Variants in NRG3 observed in about 807,000 individuals in gnomAD.
NRG3 encodes the protein neuregulin 3.
NRG3 carries 31 observed loss-of-function variants against 66.9 expected under a neutral mutation model. The ratio of observed to expected loss-of-function variants is 0.46; its 90% CI spans 0.35 to 0.63. NRG3 has a LOEUF of 0.63. Among genes scored for constraint, NRG3 ranks in the 20% least tolerant of loss-of-function variants. NRG3 has a pLI of 0.00. For synonymous variants in NRG3, 393 were observed against 359.4 expected (o/e 1.09, Z -1.06); for missense variants, 910 against 878.9 (o/e 1.04, Z -0.45).
intron 2 of NRG3, among the ~76,000 whole-genome samples, chr10:82,703,128 G>T (rs1353261902): frequency 6.6e-6 from 1 of 151,612 alleles, no homozygotes; most frequent in Non-Finnish European, 1.5e-5. Context: ...AGACAGTGCT[G>T]TATATACAGA....
In NRG3 at chr10:82,985,594, T is replaced by C. The variant is rs781428927; in HGVS notation, c.2080T>C (p.Leu694=). 1.2e-6 allele frequency: 2 copies of C among 1,611,382 alleles called. No individual in the cohort carries two copies. The change falls in exon 9 of 9, where the codon TTG becomes CTG. Residue 694 remains leucine (L), a synonymous_variant. Transcript: ENST00000372141. ...AAATGAAATACAAAGAGACTCTGCA[T>C]TGACCAAGTGACTTGAGATGTAGGA... ...LRNEIQRDSA[L]TK
chr10:81,886,776 T>C, intron 1 of NRG3, among the ~76,000 whole-genome samples: 1 of 152,148 alleles, frequency 6.6e-6, no homozygotes, highest in East Asian at 1.9e-4. Flanking sequence ...TTTTAAAGCT[T>C]TCGGGAAATG....
chr10:82,607,750 C>T (rs1487472384), intron 2 of NRG3, among the ~76,000 whole-genome samples: 1 of 151,362 alleles, frequency 6.6e-6, no homozygotes, highest in Non-Finnish European at 1.5e-5. Flanking sequence ...CTTCTTTTTT[C>T]CTGTTTTCTG....
intron 2 of NRG3, among the ~76,000 whole-genome samples, chr10:82,608,879 A>T (rs1490288642): frequency 1.3e-5 from 2 of 152,112 alleles, no homozygotes; most frequent in African/African-American, 4.8e-5. Flanking sequence ...TTTAAAAAAA[A>T]TGTATCACCC....
chr10:81,966,293 T>G (rs2133328099), intron 1 of NRG3, among the ~76,000 whole-genome samples: 1 of 150,430 alleles, frequency 6.6e-6, no homozygotes, highest in East Asian at 1.9e-4. Flanking sequence ...TATTTTTATA[T>G]AAATGTAATA....
At chr10:82,240,076 C>A (rs2076941556) in intron 1 of NRG3, among the ~76,000 whole-genome samples, 1 of 151,874 alleles carries the variant, frequency 6.6e-6, no homozygotes, top group African/African-American at 2.4e-5. Context: ...TCTGTAAAGG[C>A]ACATTTCCTT....
chr10:81,978,274 T>C (rs1264345521), intron 1 of NRG3, among the ~76,000 whole-genome samples: 1 of 152,222 alleles, frequency 6.6e-6, no homozygotes, highest in African/African-American at 2.4e-5. Flanking sequence ...GATAGTGGGA[T>C]ATCTTAAAGG....
At chr10:82,812,109 CAA>C (rs1292192836) in intron 3 of NRG3, among the ~76,000 whole-genome samples, 1 of 152,116 alleles carries the variant, frequency 6.6e-6, no homozygotes, top group Non-Finnish European at 1.5e-5. Flanking sequence ...CAGGGTTTCT[CAA>C]ATGTTAATAT....
chr10:81,972,074 A>G (rs1589645296), intron 1 of NRG3, among the ~76,000 whole-genome samples: 1 of 152,184 alleles, frequency 6.6e-6, no homozygotes, highest in Non-Finnish European at 1.5e-5. Context: ...CCATCAGGAC[A>G]TTGGATAGTA....
intron 2 of NRG3, among the ~76,000 whole-genome samples, chr10:82,540,871 CCTCAGGATGTGACTAT>C (rs2043494724): frequency 6.6e-6 from 1 of 152,220 alleles, no homozygotes; most frequent in Admixed American, 6.5e-5. Context: ...ACCCCCAGTA[CCTCAGGATGTGACTAT>C]CTTTAGAGAT....
intron 2 of NRG3, among the ~76,000 whole-genome samples, chr10:82,459,316 G>T (rs1473341348): frequency 2.0e-5 from 3 of 152,146 alleles, no homozygotes; most frequent in Non-Finnish European, 4.4e-5. Context: ...GAGTTGCACT[G>T]GTTTCTAATT....
At chr10:82,102,630 A>G (rs2066830283) in intron 1 of NRG3, among the ~76,000 whole-genome samples, 1 of 151,810 alleles carries the variant, frequency 6.6e-6, no homozygotes, top group African/African-American at 2.4e-5. Flanking sequence ...TATTATACCC[A>G]CACAAATAAA....
chr10:82,227,316 A>C (rs2076214856), intron 1 of NRG3, among the ~76,000 whole-genome samples: 1 of 152,098 alleles, frequency 6.6e-6, no homozygotes, highest in Non-Finnish European at 1.5e-5. Flanking sequence ...CTCTGTCTTT[A>C]TAGAGTCTCA....
rs528847332 is a variant in NRG3, at chr10:82,710,383, C to T, written c.954-28194C>T. Among the ~76,000 whole-genome samples the T allele has an allele frequency of 2.9e-4, 44 of 152,050 alleles. 1 individual carries two copies. The highest frequency in any genetic ancestry group is 9.9e-4 in the African/African-American group (41 of 41,476). ...GGTGAATCCTCTCAGGTCGGGAGTTCGAGACTAGCCTGCCCAACATGGTAA... is the reference window on the plus strand; with the variant it reads ...GGTGAATCCTCTCAGGTCGGGAGTTTGAGACTAGCCTGCCCAACATGGTAA... On this transcript the variant is annotated intron_variant, in intron 2 of 8. Coordinates refer to ENST00000372141, the MANE Select transcript of NRG3 (RefSeq NM_001010848.4).
At chr10:82,882,690 A>T (rs1842407596) in intron 4 of NRG3, among the ~76,000 whole-genome samples, 1 of 152,124 alleles carries the variant, frequency 6.6e-6, no homozygotes, top group African/African-American at 2.4e-5. Context: ...TTATAAGGAG[A>T]TGGGGTCCTT....
intron 3 of NRG3, among the ~76,000 whole-genome samples, chr10:82,821,504 A>G (rs1167227506): frequency 4.5e-5 from 2 of 44,488 alleles, no homozygotes; most frequent in East Asian, 4.6e-4. Flanking sequence ...CACTTAACTG[A>G]AAAAAAAAAA....
At position 82,474,407 on chromosome 10, in the gene NRG3, CAA is replaced by C. The variant is rs770939533; in HGVS notation, c.953+115541_953+115542del. On this transcript the variant is annotated intron_variant, in intron 2 of 8. Coordinates refer to ENST00000372141, the MANE Select transcript of NRG3 (RefSeq NM_001010848.4). Reference sequence around the variant, plus strand: ...TATATGAACAAAATGAGAATATCAACAAAGAGATAATATATTTTAAAAAGAAG... The same window carrying C: ...TATATGAACAAAATGAGAATATCAACAGAGATAATATATTTTAAAAAGAAG... Among the ~76,000 whole-genome samples the C allele has an allele frequency of 2.0e-5, 3 of 151,696 alleles. No homozygotes were observed. The South Asian group carries it at 6.2e-4, about 32-fold the overall frequency.
intron 1 of NRG3, among the ~76,000 whole-genome samples, chr10:81,989,569 C>T (rs970019355): frequency 6.6e-6 from 1 of 151,854 alleles, no homozygotes; most frequent in South Asian, 2.1e-4. Flanking sequence ...CTGTTTTCTC[C>T]GAGGGAATAT....
intron 2 of NRG3, among the ~76,000 whole-genome samples, chr10:82,386,619 A>G (rs1316924973): frequency 1.3e-5 from 2 of 152,118 alleles, no homozygotes; most frequent in Admixed American, 6.6e-5. Flanking sequence ...AGTATGATTG[A>G]CCCATATTGA....
Sources: allele counts gnomAD v4.1 joint callset (sites outside exome capture counted in the v4.1 genomes callset), GRCh38; gene constraint gnomAD v4.1.1; transcripts MANE v1.5; gene names NCBI Gene and HGNC (gene_info 2026-07-23, HGNC 2026-07-21).